Variants in HHLA2 observed in about 807,000 individuals in gnomAD.
HHLA2 encodes the protein HHLA2 member of B7 family, also known as HERV-H LTR-associating protein 2.
HHLA2 carries 48 observed loss-of-function variants against 45.9 expected under a neutral mutation model. That is an observed-to-expected ratio of 1.05 (90% confidence interval 0.83 to 1.33). HHLA2 has a LOEUF of 1.33. Among genes scored for constraint, HHLA2 ranks in the 40% most tolerant of loss-of-function variants. The pLI, the probability that HHLA2 is intolerant of heterozygous loss-of-function variation, is 0.00. For synonymous variants in HHLA2, 161 were observed against 173.9 expected, an observed-to-expected ratio of 0.93 and a Z score of 0.59; for missense variants, 462 against 494.3, an observed-to-expected ratio of 0.93 and a Z score of 0.62.
chr3:108,308,652 C>T (rs942189491), intron 1 of HHLA2, among the ~76,000 whole-genome samples: 3 of 152,184 alleles, frequency 2.0e-5, no homozygotes, highest in African/African-American at 2.4e-5. Context: ...ATTCCCTTTT[C>T]TCCACATCCT....
At chr3:108,348,282 G>C (rs571767780) in intron 3 of HHLA2, among the ~76,000 whole-genome samples, 13 of 152,062 alleles carry the variant, frequency 8.5e-5, no homozygotes, top group Non-Finnish European at 1.6e-4. Flanking sequence ...TCTTAACAAA[G>C]GCAGGTAACA....
At position 108,300,787 on chromosome 3, in the gene HHLA2, G is replaced by A. The variant is rs116832190; in HGVS notation, c.-192+4188G>A. Among the ~76,000 whole-genome samples, 1,018 of 152,262 alleles carry A rather than the reference G, an allele frequency of 6.7e-3. 11 individuals carry two copies. Among genetic ancestry groups the A allele is most frequent in the African/African-American group, 0.022 (894 of 41,548 alleles). Reference sequence around the variant, plus strand: ...TCAGAAGATTCCCTTTGTTGTCTAAGCCAGTTCCAGGATGTTGCTCTTATT... The same window carrying A: ...TCAGAAGATTCCCTTTGTTGTCTAAACCAGTTCCAGGATGTTGCTCTTATT... On this transcript the variant is annotated intron_variant, in intron 1 of 10. Coordinates refer to ENST00000619531, the Ensembl canonical transcript of HHLA2.
At chr3:108,335,998 G>A (rs2081466229) in intron 3 of HHLA2, among the ~76,000 whole-genome samples, 1 of 151,746 alleles carries the variant, frequency 6.6e-6, no homozygotes. Context: ...TTATGGAAGG[G>A]AACAGCATTC....
chr3:108,372,229 G>C (rs2082189764), intron 8 of HHLA2, among the ~76,000 whole-genome samples: 1 of 152,146 alleles, frequency 6.6e-6, no homozygotes, highest in Non-Finnish European at 1.5e-5. Flanking sequence ...AATGACGACT[G>C]GGTACATAAT....
chr3:108,317,192 C>T (rs770884856), intron 2 of HHLA2, among the ~76,000 whole-genome samples: 3 of 152,222 alleles, frequency 2.0e-5, no homozygotes, highest in Non-Finnish European at 4.4e-5. Context: ...AGTGACAGCA[C>T]ATATTCTTCC....
chr3:108,306,482 T>G (rs1470705655), intron 1 of HHLA2, among the ~76,000 whole-genome samples: 1 of 152,216 alleles, frequency 6.6e-6, no homozygotes, highest in Non-Finnish European at 1.5e-5. Context: ...CATCTGGGCC[T>G]GCTCGAGCTC....
chr3:108,366,537 G>T (rs548151226), intron 8 of HHLA2, among the ~76,000 whole-genome samples: 1 of 152,192 alleles, frequency 6.6e-6, no homozygotes, highest in Non-Finnish European at 1.5e-5. Flanking sequence ...GTTTGGAATA[G>T]TATCAGAAGG....
At chr3:108,333,872 C>T (rs534663096) in intron 3 of HHLA2, among the ~76,000 whole-genome samples, 1 of 152,186 alleles carries the variant, frequency 6.6e-6, no homozygotes, top group East Asian at 1.9e-4. Flanking sequence ...ATGCTGGGGT[C>T]TTTTTGGCTC....
chr3:108,353,145 T>G (rs773994127), intron 4 of HHLA2, among the ~76,000 whole-genome samples: 19 of 152,230 alleles, frequency 1.2e-4, no homozygotes, highest in Non-Finnish European at 2.1e-4. Flanking sequence ...GGAAGAGAGA[T>G]AAGATTATTG....
intron 2 of HHLA2, among the ~76,000 whole-genome samples, chr3:108,320,988 G>C (rs2081189579): frequency 6.6e-6 from 1 of 150,836 alleles, no homozygotes; most frequent in South Asian, 2.1e-4. Flanking sequence ...AGTTGATTTA[G>C]GCAGCAGGAC....
intron 5 of HHLA2, among the ~76,000 whole-genome samples, chr3:108,354,436 C>T (rs375663796): frequency 6.6e-6 from 1 of 151,754 alleles, no homozygotes; most frequent in East Asian, 1.9e-4. Context: ...TTGAACCAAA[C>T]AGGTATTAGA....
At chr3:108,303,439 T>C (rs1341972028) in intron 1 of HHLA2, among the ~76,000 whole-genome samples, 1 of 152,226 alleles carries the variant, frequency 6.6e-6, no homozygotes, top group Non-Finnish European at 1.5e-5. Context: ...TAGTTATCTC[T>C]AGAAATTTTA....
chr3:108,377,371 C>A, exon 11 of HHLA2: 1 of 903,032 alleles, frequency 1.1e-6, no homozygotes, highest in Non-Finnish European at 1.8e-6. Context: ...CAGGCAATGG[C>A]CTGTCGGAGC....
intron 6 of HHLA2, among the ~76,000 whole-genome samples, chr3:108,357,117 C>CA (rs1190944240): frequency 3.3e-5 from 5 of 152,136 alleles, no homozygotes; most frequent in African/African-American, 9.7e-5. Context: ...TTTGAACCAT[C>CA]AGAGAGGCCC....
At chr3:108,361,374 G>A (rs1309024243) in intron 7 of HHLA2, among the ~76,000 whole-genome samples, 1 of 152,088 alleles carries the variant, frequency 6.6e-6, no homozygotes, top group African/African-American at 2.4e-5. Context: ...TCACACCGTG[G>A]ATGCTACCCG....
chr3:108,358,829 T>C (rs764924280), intron 7 of HHLA2, among the ~76,000 whole-genome samples: 9 of 152,232 alleles, frequency 5.9e-5, no homozygotes, highest in African/African-American at 2.2e-4. Context: ...ATAAAGGTAT[T>C]TGAACCAGTG....
intron 2 of HHLA2, among the ~76,000 whole-genome samples, chr3:108,327,230 G>T (rs2081303435): frequency 6.6e-6 from 1 of 152,094 alleles, no homozygotes; most frequent in African/African-American, 2.4e-5. Context: ...AAGGCAACCT[G>T]CCTTTTTTGT....
chr3:108,316,866 C>T (rs1188392163), intron 2 of HHLA2, among the ~76,000 whole-genome samples: 3 of 152,052 alleles, frequency 2.0e-5, no homozygotes, highest in Non-Finnish European at 4.4e-5. Flanking sequence ...TCCATGAAAT[C>T]CAAAAAGCTG....
rs148454763 is a variant in HHLA2, at chr3:108,328,416, T to C, written c.-27+69T>C. 1.1e-5 allele frequency: 11 copies of C among 993,802 alleles called. No individual in the cohort carries two copies. The East Asian group carries it at 2.9e-4, about 26-fold the overall frequency. The allele number at this position is 993,802 out of a possible 1,614,324, so 61.6% of individuals were successfully genotyped here. On this transcript the variant is annotated intron_variant, in intron 3 of 10. Transcript: ENST00000619531. The stretch of plus-strand genomic sequence containing the variant: ...AGCTATTTATTTGAAAATTACTGCA[T>C]GACCAGGAAACATTTTAATTGCTTT...
Sources: gnomAD v4.1 joint callset for allele counts (sites outside exome capture counted in the v4.1 genomes callset) on GRCh38, gnomAD v4.1.1 for gene constraint, MANE v1.5 for transcripts, NCBI Gene and HGNC (gene_info 2026-07-23, HGNC 2026-07-21) for gene names.